Variants in UHRF2 observed in about 807,000 individuals in gnomAD.
UHRF2 encodes ubiquitin like with PHD and ring finger domains 2.
A neutral mutation model predicts 96.8 loss-of-function variants in UHRF2; 23 were observed. The ratio of observed to expected loss-of-function variants is 0.24; its 90% CI spans 0.17 to 0.34. The LOEUF (loss-of-function observed/expected upper bound fraction) is 0.34, where lower values mean the gene tolerates loss of function less well. Among genes scored for constraint, UHRF2 ranks in the 10% least tolerant of loss-of-function variants. UHRF2 has a pLI of 1.00. For missense variants in UHRF2, 685 were observed against 981.5 expected, an observed-to-expected ratio of 0.70 and a Z score of 4.04; for synonymous variants, 385 against 332.6, an observed-to-expected ratio of 1.16 and a Z score of -1.72.
intron 1 of UHRF2, among the ~76,000 whole-genome samples, chr9:6,420,030 T>G (rs184538176): frequency 6.6e-6 from 1 of 151,792 alleles, no homozygotes; most frequent in African/African-American, 2.4e-5. Context: ...ATTACAGATG[T>G]GAGGCCCGGA....
At chr9:6,416,054 C>G (rs1819579872) in intron 1 of UHRF2, among the ~76,000 whole-genome samples, 1 of 152,044 alleles carries the variant, frequency 6.6e-6, no homozygotes, top group Non-Finnish European at 1.5e-5. Context: ...TTAATTGACT[C>G]CACTTTTTTT....
Position 6,500,533 on chromosome 9 carries a change from A to G in UHRF2, c.2006-19A>G, listed in dbSNP as rs201065464. On this transcript the variant is annotated intron_variant, in intron 13 of 15. Coordinates refer to ENST00000276893, the MANE Select transcript of UHRF2 (RefSeq NM_152896.3). ...GAACCACTTGTAAGTCTGCTGATAC[A>G]TTTTTAAAATAAATCTAGATGACTG... 21 of 1,598,574 alleles carry G rather than the reference A, an allele frequency of 1.3e-5. No homozygotes were observed. The highest frequency in any genetic ancestry group is 1.8e-5 in the Admixed American group (1 of 56,980).
intron 3 of UHRF2, among the ~76,000 whole-genome samples, chr9:6,453,406 C>G (rs1347980085): frequency 6.6e-6 from 1 of 152,104 alleles, no homozygotes; most frequent in Admixed American, 6.5e-5. Flanking sequence ...GTAATTTTCA[C>G]TTTACAGCTG....
intron 6 of UHRF2, among the ~76,000 whole-genome samples, chr9:6,479,863 C>T (rs1458907266): frequency 6.6e-6 from 1 of 152,198 alleles, no homozygotes. Flanking sequence ...CACCTCCCAG[C>T]CCAAACTACC....
intron 1 of UHRF2, 42 bp from the exon 2 acceptor site, chr9:6,420,870 C>T: frequency 2.0e-6 from 3 of 1,494,818 alleles, no homozygotes; most frequent in Middle Eastern, 1.7e-4. Flanking sequence ...TAGTAAGATA[C>T]ATTTTAGAGA....
At chr9:6,423,165 C>A (rs1044272877) in intron 2 of UHRF2, among the ~76,000 whole-genome samples, 2 of 152,138 alleles carry the variant, frequency 1.3e-5, no homozygotes, top group African/African-American at 4.8e-5. Context: ...GCCAACAGAT[C>A]TACATATGTA....
At chr9:6,432,158 A>G (rs1820591626) in intron 2 of UHRF2, among the ~76,000 whole-genome samples, 1 of 152,110 alleles carries the variant, frequency 6.6e-6, no homozygotes, top group Non-Finnish European at 1.5e-5. Flanking sequence ...TGTTTGTCCT[A>G]CCCAGCATGG....
intron 2 of UHRF2, among the ~76,000 whole-genome samples, chr9:6,429,740 T>C (rs1820467191): frequency 6.6e-6 from 1 of 152,238 alleles, no homozygotes; most frequent in South Asian, 2.1e-4. Flanking sequence ...GTTACATGAA[T>C]TTTCTCACTT....
At chr9:6,463,989 AG>A (rs1822714896) in intron 4 of UHRF2, among the ~76,000 whole-genome samples, 1 of 152,170 alleles carries the variant, frequency 6.6e-6, no homozygotes, top group Non-Finnish European at 1.5e-5. Context: ...TAAAATTACT[AG>A]GTTGTAGAAC....
At chr9:6,493,469 C>G (rs1398303425) in intron 9 of UHRF2, among the ~76,000 whole-genome samples, 2 of 152,100 alleles carry the variant, frequency 1.3e-5, no homozygotes, top group African/African-American at 2.4e-5. Flanking sequence ...AAAGAACCTA[C>G]AAGCTAGTAT....
chr9:6,470,694 G>C (rs1190694254), intron 4 of UHRF2, among the ~76,000 whole-genome samples: 1 of 152,176 alleles, frequency 6.6e-6, no homozygotes, highest in Non-Finnish European at 1.5e-5. Context: ...ATGAAGTCGT[G>C]AGATTCTGGC....
intron 14 of UHRF2, among the ~76,000 whole-genome samples, chr9:6,504,111 C>G (rs368371955): frequency 6.7e-6 from 1 of 149,750 alleles, no homozygotes; most frequent in Admixed American, 6.7e-5. Context: ...CTGCAAGCTC[C>G]GCCTTCTTGG....
chr9:6,415,843 T>C (rs1420783076), intron 1 of UHRF2, among the ~76,000 whole-genome samples: 1 of 152,124 alleles, frequency 6.6e-6, no homozygotes, highest in African/African-American at 2.4e-5. Flanking sequence ...CACCAGAGTT[T>C]AGAAAATGAA....
At chr9:6,466,166 C>T (rs374910913) in intron 4 of UHRF2, among the ~76,000 whole-genome samples, 1 of 151,944 alleles carries the variant, frequency 6.6e-6, no homozygotes, top group East Asian at 1.9e-4. Flanking sequence ...TTTGGGAGGC[C>T]AAGGTGGGCG....
At chr9:6,477,871 A>G (rs1426760395) in intron 6 of UHRF2, 63 bp downstream of exon 6, 1 of 1,401,230 alleles carries the variant, frequency 7.1e-7, no homozygotes, top group Non-Finnish European at 9.7e-7. Context: ...ATGTATTTGA[A>G]CCACCAAAAG....
intron 3 of UHRF2, among the ~76,000 whole-genome samples, chr9:6,444,695 G>A (rs1427926573): frequency 6.6e-6 from 1 of 152,086 alleles, no homozygotes; most frequent in Non-Finnish European, 1.5e-5. Flanking sequence ...TCCCCCTCCA[G>A]GGTTCAAGTG....
At chr9:6,479,874 A>G (rs928622422) in intron 6 of UHRF2, among the ~76,000 whole-genome samples, 3 of 152,116 alleles carry the variant, frequency 2.0e-5, no homozygotes, top group Non-Finnish European at 4.4e-5. Context: ...CCAAACTACC[A>G]TCTCTTCCTT....
chr9:6,472,038 A>G (rs532210431), intron 4 of UHRF2, among the ~76,000 whole-genome samples: 16 of 152,340 alleles, frequency 1.1e-4, no homozygotes, highest in Non-Finnish European at 2.2e-4. Flanking sequence ...TATCTTAAAT[A>G]CAGTGAACAT....
At chr9:6,454,811 A>G (rs906063682) in intron 3 of UHRF2, among the ~76,000 whole-genome samples, 4 of 152,234 alleles carry the variant, frequency 2.6e-5, no homozygotes, top group African/African-American at 9.6e-5. Flanking sequence ...GATATTTAAT[A>G]TCATAAATAC....
Sources: gnomAD v4.1 joint callset for allele counts (sites outside exome capture counted in the v4.1 genomes callset) on GRCh38, gnomAD v4.1.1 for gene constraint, MANE v1.5 for transcripts, NCBI Gene and HGNC (gene_info 2026-07-23, HGNC 2026-07-21) for gene names.